IMMP2L: variants seen among roughly 807,000 people sequenced by gnomAD.
IMMP2L encodes mitochondrial inner membrane protease subunit 2.
IMMP2L carries 18 observed loss-of-function variants against 19.3 expected under a neutral mutation model. That is an observed-to-expected ratio of 0.93 (90% CI 0.64 to 1.38). IMMP2L has a LOEUF of 1.38. Ranked by LOEUF, IMMP2L falls within the 40% of genes most tolerant of loss-of-function variation. The pLI is 0.00. For synonymous variants in IMMP2L, 76 were observed against 73.0 expected (o/e 1.04, Z -0.21); for missense variants, 233 against 218.2 (o/e 1.07, Z -0.43).
intron 3 of IMMP2L, among the ~76,000 whole-genome samples, chr7:111,067,080 G>C (rs934673499): frequency 2.0e-4 from 31 of 152,280 alleles, no homozygotes; most frequent in African/African-American, 6.5e-4. Context: ...TTCATGTCTG[G>C]TACTTTCCTG....
intron 5 of IMMP2L, among the ~76,000 whole-genome samples, chr7:110,695,403 G>A (rs899298014): frequency 5.9e-5 from 9 of 151,874 alleles, no homozygotes; most frequent in African/African-American, 2.2e-4. Context: ...TGTTTCCCAG[G>A]CTAGTCTCGG....
intron 5 of IMMP2L, among the ~76,000 whole-genome samples, chr7:110,770,096 T>G (rs1798941310): frequency 6.6e-6 from 1 of 152,212 alleles, no homozygotes; most frequent in South Asian, 2.1e-4. Flanking sequence ...AATGGTTTCC[T>G]GATCCCAAAG....
intron 3 of IMMP2L, among the ~76,000 whole-genome samples, chr7:111,441,662 G>A (rs527630778): frequency 1.3e-4 from 19 of 148,988 alleles, no homozygotes; most frequent in African/African-American, 4.5e-4. Context: ...ACATGGTGTT[G>A]AAAAAATGGT....
chr7:110,713,355 C>CTT (rs1795023681), intron 5 of IMMP2L, among the ~76,000 whole-genome samples: 1 of 152,124 alleles, frequency 6.6e-6, no homozygotes, highest in African/African-American at 2.4e-5. Flanking sequence ...ATGCGTCTGA[C>CTT]TTTGTTCTTA....
At chr7:111,446,822 G>A (rs1371471942) in intron 3 of IMMP2L, among the ~76,000 whole-genome samples, 19 of 151,568 alleles carry the variant, frequency 1.3e-4, no homozygotes, top group Non-Finnish European at 2.4e-4. Context: ...AAATTTAGAA[G>A]AATGTATAAC....
At chr7:110,823,742 A>G (rs1803230133) in intron 5 of IMMP2L, among the ~76,000 whole-genome samples, 1 of 152,112 alleles carries the variant, frequency 6.6e-6, no homozygotes, top group Admixed American at 6.6e-5. Context: ...GTGAAAAGTG[A>G]ATGCTATCAA....
intron 4 of IMMP2L, among the ~76,000 whole-genome samples, chr7:110,900,218 A>G (rs750051919): frequency 1.3e-5 from 2 of 151,876 alleles, no homozygotes; most frequent in Non-Finnish European, 2.9e-5. Context: ...TCTCAACTGA[A>G]GAGTCAATCC....
chr7:111,267,108 T>C (rs1004878023), intron 3 of IMMP2L, among the ~76,000 whole-genome samples: 4 of 152,160 alleles, frequency 2.6e-5, no homozygotes, highest in Admixed American at 6.6e-5. Flanking sequence ...AATTCTTCCA[T>C]ATGTCCAAAA....
At chr7:110,981,976 A>G (rs1655771276) in intron 3 of IMMP2L, among the ~76,000 whole-genome samples, 1 of 152,198 alleles carries the variant, frequency 6.6e-6, no homozygotes, top group Non-Finnish European at 1.5e-5. Context: ...GAAACTAAAT[A>G]TAAAGGGATT....
At chr7:110,893,896 G>T (rs1362599417) in intron 4 of IMMP2L, among the ~76,000 whole-genome samples, 1 of 151,442 alleles carries the variant, frequency 6.6e-6, no homozygotes, top group East Asian at 1.9e-4. Flanking sequence ...CCTCCTACTC[G>T]GTTCTTAATG....
At chr7:111,207,214 A>C (rs1810806255) in intron 3 of IMMP2L, among the ~76,000 whole-genome samples, 1 of 152,186 alleles carries the variant, frequency 6.6e-6, no homozygotes, top group African/African-American at 2.4e-5. Context: ...ATAGCCAAGC[A>C]CTTGACTTTT....
intron 3 of IMMP2L, among the ~76,000 whole-genome samples, chr7:111,448,985 T>C (rs1345413668): frequency 6.7e-6 from 1 of 150,230 alleles, no homozygotes; most frequent in South Asian, 2.1e-4. Context: ...CCTCGACACA[T>C]ACACTCTCCC....
intron 3 of IMMP2L, among the ~76,000 whole-genome samples, chr7:110,975,411 C>A (rs182496708): frequency 1.3e-5 from 2 of 152,060 alleles, no homozygotes; most frequent in Non-Finnish European, 1.5e-5. Flanking sequence ...GTGTACTTGA[C>A]CTCCTGCCTG....
At chr7:110,720,576 T>G (rs1369487492) in intron 5 of IMMP2L, among the ~76,000 whole-genome samples, 1 of 152,192 alleles carries the variant, frequency 6.6e-6, no homozygotes, top group Non-Finnish European at 1.5e-5. Flanking sequence ...CTCACGTACA[T>G]ACAATAAAAC....
chr7:111,385,194 T>C lies in IMMP2L; in HGVS notation c.239+102044A>G, dbSNP rs527453046. Among the ~76,000 whole-genome samples, 7 of 152,190 alleles carry C rather than the reference T, an allele frequency of 4.6e-5. No individual in the cohort carries two copies. The South Asian group carries it at 1.5e-3, about 32-fold the overall frequency. ...GGCAAGGGTACAGTTTTGAATAAGA[T>C]AGCCAAAGAAGGCCTCACTGACAAG... On this transcript the variant is annotated intron_variant, in intron 3 of 5. Coordinates refer to ENST00000405709, the MANE Select transcript of IMMP2L (RefSeq NM_032549.4).
chr7:111,398,465 G>T (rs893492302), intron 3 of IMMP2L, among the ~76,000 whole-genome samples: 24 of 151,910 alleles, frequency 1.6e-4, no homozygotes, highest in African/African-American at 5.3e-4. Context: ...GACATACAAG[G>T]GACATACCTC....
chr7:111,192,518 C>G (rs1386712521), intron 3 of IMMP2L, among the ~76,000 whole-genome samples: 1 of 152,064 alleles, frequency 6.6e-6, no homozygotes, highest in Non-Finnish European at 1.5e-5. Context: ...GTGTAAAATA[C>G]TTAATCTTAA....
At chr7:111,442,032 G>A (rs1405861185) in intron 3 of IMMP2L, among the ~76,000 whole-genome samples, 1 of 151,680 alleles carries the variant, frequency 6.6e-6, no homozygotes, top group African/African-American at 2.4e-5. Context: ...AGCTTCTCAG[G>A]AGGCTGAGGC....
chr7:110,988,531 C>G (rs991781614), intron 3 of IMMP2L, among the ~76,000 whole-genome samples: 1 of 152,104 alleles, frequency 6.6e-6, no homozygotes, highest in Non-Finnish European at 1.5e-5. Context: ...AAAGCACCGA[C>G]TCTAGTAAAT....
Sources: allele counts gnomAD v4.1 joint callset (sites outside exome capture counted in the v4.1 genomes callset), GRCh38; gene constraint gnomAD v4.1.1; transcripts MANE v1.5; gene names NCBI Gene and HGNC (gene_info 2026-07-23, HGNC 2026-07-21).